PCDHGB2: variants seen among roughly 807,000 people sequenced by gnomAD.
The protein encoded by PCDHGB2 is protocadherin gamma-B2.
Under a neutral mutation model 59.3 loss-of-function variants are expected in PCDHGB2, and 55 were observed. That is an observed-to-expected ratio of 0.93 (90% CI 0.75 to 1.16). PCDHGB2 has a LOEUF of 1.16. PCDHGB2 is among the 50% of genes most tolerant of loss of function. The pLI is 0.00. For missense variants in PCDHGB2, 1,228 were observed against 1,198.5 expected (o/e 1.02, Z -0.36); for synonymous variants, 516 against 512.0 (o/e 1.01, Z -0.11).
At chr5:141,427,146 AAT>A (rs1561826638) in intron 1 of PCDHGB2, 1 of 456,990 alleles carries the variant, frequency 2.2e-6, no homozygotes, top group Non-Finnish European at 4.4e-6. Context: ...TGATATTGGA[AAT>A]ATGTTTGTGC....
chr5:141,399,497 TACCCGAAAACA>T, intron 1 of PCDHGB2: 2 of 1,614,030 alleles, frequency 1.2e-6, no homozygotes, highest in Non-Finnish European at 1.7e-6. Flanking sequence ...TTAGTCAGTG[TACCCGAAAACA>T]ACCCTCCTGG....
At chr5:141,404,108 A>G (rs537875169) in intron 1 of PCDHGB2, 22 of 1,613,436 alleles carry the variant, frequency 1.4e-5, no homozygotes, top group South Asian at 6.6e-5. Context: ...TGTCTGTTCT[A>G]TCCAGGAGAA....
chr5:141,438,627 T>TATAC (rs2098031123), intron 1 of PCDHGB2, among the ~76,000 whole-genome samples: 4 of 48,012 alleles, frequency 8.3e-5, no homozygotes, highest in Admixed American at 6.2e-4. Flanking sequence ...TATATATATA[T>TATAC]ATATATATAC....
In PCDHGB2 at chr5:141,460,961, A is replaced by ATATGTGTGTG. The variant is rs1463306338; in HGVS notation, c.2422-33845_2422-33844insATGTGTGTGT. On this transcript the variant is annotated intron_variant, in intron 1 of 3. Coordinates refer to ENST00000522605, the MANE Select transcript of PCDHGB2 (RefSeq NM_018923.3). ...ATATATATGTATTATGTATATATAT[A>ATATGTGTGTG]TGTGTGTGTGTGTGTGTGTGTGTAT... Among the ~76,000 whole-genome samples the ATATGTGTGTG allele has an allele frequency of 1.3e-3, 194 of 144,616 alleles. 1 individual carries two copies. The highest frequency in any genetic ancestry group is 4.7e-3 in the African/African-American group (182 of 38,716). 94.9% of individuals were successfully genotyped at this position (144,616 alleles called of 152,430 possible). A position where few individuals can be genotyped will look rare whatever the true frequency, so the allele number is the denominator to read the frequency against.
chr5:141,483,456 G>T (rs2099581503), intron 1 of PCDHGB2, among the ~76,000 whole-genome samples: 1 of 152,180 alleles, frequency 6.6e-6, no homozygotes, highest in Admixed American at 6.5e-5. Context: ...ATCAGGACTT[G>T]TTGATTGACA....
chr5:141,474,369 G>C (rs1424130168), intron 1 of PCDHGB2, among the ~76,000 whole-genome samples: 1 of 152,184 alleles, frequency 6.6e-6, no homozygotes, highest in Non-Finnish European at 1.5e-5. Flanking sequence ...AGTAGGTCTA[G>C]AGGAGGGCAT....
chr5:141,374,196 A>T, intron 1 of PCDHGB2: 1 of 1,613,838 alleles, frequency 6.2e-7, no homozygotes, highest in Non-Finnish European at 8.5e-7. Flanking sequence ...ATTCCCGAGG[A>T]GCTGGAGAAA....
Position 141,512,703 on chromosome 5 carries a change from T to C in PCDHGB2, c.*1530T>C. ...TAGCCAGTAGTGTAGTGCGGTGTGC[T>C]TTTACGTGATGGCGGGTGGGCAGCG... On this transcript the variant is annotated 3_prime_UTR_variant, in exon 4 of 4. Coordinates refer to ENST00000522605, the MANE Select transcript of PCDHGB2 (RefSeq NM_018923.3). 1 of 152,958 alleles carries C rather than the reference T, an allele frequency of 6.5e-6. No individual in the cohort carries two copies. Among genetic ancestry groups the C allele is most frequent in the East Asian group, 1.9e-4 (1 of 5,212 alleles). 9.5% of individuals were successfully genotyped at this position (152,958 alleles called of 1,614,324 possible).
chr5:141,382,757 C>T, intron 1 of PCDHGB2: 2 of 657,638 alleles, frequency 3.0e-6, no homozygotes, highest in East Asian at 2.7e-5. Flanking sequence ...GCGATAAGCC[C>T]TCTTCCAGGC....
chr5:141,432,087 C>G lies in PCDHGB2; in HGVS notation c.2422-62720C>G. On this transcript the variant is annotated intron_variant, in intron 1 of 3. Coordinates refer to ENST00000522605, the MANE Select transcript of PCDHGB2 (RefSeq NM_018923.3). This position sits in a 1 kb window ranked among gnomAD's most constrained non-coding sequence, Gnocchi z 6.0. ...GAAACTCATATCTCGCTGAACGTGG[C>G]AGACACCAACGACAACCCGCCGGTC... 3 of 1,614,178 alleles carry G rather than the reference C, an allele frequency of 1.9e-6. No homozygotes were observed. The highest frequency in any genetic ancestry group is 2.5e-6 in the Non-Finnish European group (3 of 1,180,042).
chr5:141,408,307 C>T, intron 1 of PCDHGB2: 1 of 1,613,820 alleles, frequency 6.2e-7, no homozygotes, highest in East Asian at 2.2e-5. Flanking sequence ...CGATCCGCTA[C>T]TCGATTCCGG....
intron 2 of PCDHGB2, among the ~76,000 whole-genome samples, chr5:141,499,984 G>A (rs1350203006): frequency 6.6e-6 from 1 of 151,872 alleles, no homozygotes; most frequent in East Asian, 1.9e-4. Context: ...CACCTTGCCC[G>A]GCCAGATGAT....
At chr5:141,422,044 G>A (rs780284162) in intron 1 of PCDHGB2, 1 of 1,611,530 alleles carries the variant, frequency 6.2e-7, no homozygotes, top group Non-Finnish European at 8.5e-7. Flanking sequence ...TCCAGACGAG[G>A]GAATCAACGG....
chr5:141,444,281 C>T (rs1256106299), intron 1 of PCDHGB2, among the ~76,000 whole-genome samples: 1 of 146,976 alleles, frequency 6.8e-6, no homozygotes, highest in African/African-American at 2.5e-5. Context: ...AAGTGATTCT[C>T]CTGCCTCAGC....
Position 141,404,599 on chromosome 5 carries a change from A to G in PCDHGB2, c.2421+42043A>G. 2.5e-6 allele frequency: 4 copies of G among 1,613,988 alleles called. 1 individual carries two copies. In the East Asian group the frequency reaches 8.9e-5, roughly 36 times the overall value. ...CACTTAGCAGCAATGTGTCATTGAG[A>G]CTGTTTGTTTTGGACCAGAATGACA... is the stretch of plus-strand genomic sequence containing the variant. On this transcript the variant is annotated intron_variant, in intron 1 of 3. Coordinates refer to ENST00000522605, the MANE Select transcript of PCDHGB2 (RefSeq NM_018923.3).
intron 1 of PCDHGB2, chr5:141,375,663 A>G: frequency 6.2e-7 from 1 of 1,614,108 alleles, no homozygotes; most frequent in South Asian, 1.1e-5. Context: ...CAGTTGAGAG[A>G]CCTACAGCTG....
intron 1 of PCDHGB2, chr5:141,373,923 A>ACGGGAAAG: frequency 1.5e-6 from 1 of 658,156 alleles, no homozygotes; most frequent in African/African-American, 1.9e-5. Flanking sequence ...AGCAAATTAG[A>ACGGGAAAG]CGGGAAAGCA....
At chr5:141,503,478 C>T (rs1249372985) in intron 2 of PCDHGB2, among the ~76,000 whole-genome samples, 3 of 151,680 alleles carry the variant, frequency 2.0e-5, no homozygotes, top group East Asian at 1.9e-4. Context: ...GTGCACTTGT[C>T]GTCCCAGCTG....
intron 1 of PCDHGB2, among the ~76,000 whole-genome samples, chr5:141,437,781 A>G (rs957126405): frequency 7.3e-5 from 11 of 149,878 alleles, no homozygotes; most frequent in Admixed American, 6.7e-5. Flanking sequence ...ATCTGTCGCC[A>G]AGCTGGAGTG....
Sources: allele counts gnomAD v4.1 joint callset (sites outside exome capture counted in the v4.1 genomes callset), GRCh38; gene constraint gnomAD v4.1.1; non-coding constraint Gnocchi (gnomAD v3.1); transcripts MANE v1.5; gene names NCBI Gene and HGNC (gene_info 2026-07-23, HGNC 2026-07-21).